Variants in MAP6 observed in about 807,000 individuals in gnomAD.
The protein encoded by MAP6 is microtubule associated protein 6.
MAP6 carries 26 observed loss-of-function variants against 42.4 expected under a neutral mutation model. The ratio of observed to expected loss-of-function variants is 0.61; its 90% CI spans 0.45 to 0.85. The LOEUF (loss-of-function observed/expected upper bound fraction) is 0.85, where lower values mean the gene tolerates loss of function less well. MAP6 is among the 40% of genes least tolerant of loss of function. The probability of loss-of-function intolerance (pLI) is 0.00; values close to 1 mark genes in which losing one functional copy is unlikely to be tolerated. For synonymous variants in MAP6, 418 were observed against 443.8 expected (o/e 0.94, Z 0.73); for missense variants, 966 against 1,099.0 (o/e 0.88, Z 1.71).
At chr11:75,624,638 C>CT (rs1226113531) in intron 1 of MAP6, among the ~76,000 whole-genome samples, 1 of 152,176 alleles carries the variant, frequency 6.6e-6, no homozygotes, top group Admixed American at 6.6e-5. Flanking sequence ...TTCTGCTTCT[C>CT]TTTTCTACCC....
At position 75,668,201 on chromosome 11, in the gene MAP6, G is replaced by A. The variant is rs1353709137; in HGVS notation, c.169C>T (p.Leu57Phe). 8.7e-6 allele frequency: 11 copies of A among 1,262,320 alleles called. No homozygotes were observed. Among genetic ancestry groups the A allele is most frequent in the African/African-American group, 1.6e-5 (1 of 63,962 alleles). 78.2% of individuals were successfully genotyped at this position (1,262,320 alleles called of 1,614,324 possible). The change falls in exon 1 of 4, where the codon CTC becomes TTC. Residue 57 changes from leucine to phenylalanine, a missense_variant. Around this residue, in one of 2 missense-constraint regions of MAP6, gnomAD observed 943 missense variants for 1,049.9 expected, o/e 0.90. Coordinates refer to ENST00000304771, the MANE Select transcript of MAP6 (RefSeq NM_033063.2). ...PPPQQQAQPA[L>F]APPSARAVAI... ...ACCGCGCGCGCCGAGGGGGGCGCGAGCGCCGGCTGCGCCTGCTGCTGCGGC... is the reference window on the plus strand; with the variant it reads ...ACCGCGCGCGCCGAGGGGGGCGCGAACGCCGGCTGCGCCTGCTGCTGCGGC...
At chr11:75,603,840 T>G in intron 3 of MAP6, 1 of 985,434 alleles carries the variant, frequency 1.0e-6, no homozygotes, top group Non-Finnish European at 1.2e-6. Context: ...TCTGCAAAAA[T>G]AAATGATTAT....
At chr11:75,643,814 C>T (rs1565274966) in intron 1 of MAP6, among the ~76,000 whole-genome samples, 1 of 152,150 alleles carries the variant, frequency 6.6e-6, no homozygotes, top group Non-Finnish European at 1.5e-5. Flanking sequence ...GAAGGTGAGG[C>T]TCAGAGAAGG....
intron 1 of MAP6, among the ~76,000 whole-genome samples, chr11:75,644,235 G>C (rs1943521148): frequency 6.6e-6 from 1 of 152,108 alleles, no homozygotes; most frequent in Non-Finnish European, 1.5e-5. Context: ...GGGAGGGGAA[G>C]ACATAGGCTT....
intron 1 of MAP6, chr11:75,642,995 A>G (rs1034651859): frequency 5.4e-6 from 2 of 369,238 alleles, no homozygotes; most frequent in Non-Finnish European, 1.2e-5. Flanking sequence ...CTTCCTTGCT[A>G]AATCAAATAG....
rs1943633200 is a variant in MAP6 at position 75,650,743 on chromosome 11, T to C, written c.905+16722A>G. Reference sequence around the variant, plus strand: ...GAAATTGAGGCTCAGAGACTTGAAATAACTTTACCAAGGTCACAGAAATAG... The same window carrying C: ...GAAATTGAGGCTCAGAGACTTGAAACAACTTTACCAAGGTCACAGAAATAG... On this transcript the variant is annotated intron_variant, in intron 1 of 3. Coordinates refer to ENST00000304771, the MANE Select transcript of MAP6 (RefSeq NM_033063.2). 2.0e-5 allele frequency among the ~76,000 whole-genome samples: 3 copies of C among 152,304 alleles called. No individual in the cohort carries two copies. The South Asian group carries it at 6.2e-4, about 32-fold the overall frequency.
chr11:75,599,818 C>T (rs1400620312), intron 3 of MAP6, among the ~76,000 whole-genome samples: 1 of 152,192 alleles, frequency 6.6e-6, no homozygotes, highest in Non-Finnish European at 1.5e-5. Context: ...AGTGCTTTCT[C>T]CATCTTCTAA....
chr11:75,588,428 G>A (rs902227932), intron 3 of MAP6, among the ~76,000 whole-genome samples: 8 of 152,114 alleles, frequency 5.3e-5, no homozygotes, highest in Admixed American at 3.3e-4. Context: ...TAACCTGCAC[G>A]TGGCACAGGG....
At chr11:75,646,258 A>G (rs1358050525) in intron 1 of MAP6, among the ~76,000 whole-genome samples, 1 of 152,114 alleles carries the variant, frequency 6.6e-6, no homozygotes, top group East Asian at 1.9e-4. Context: ...AGAAAACATT[A>G]TTGTCTTTCT....
Position 75,668,494 on chromosome 11 carries a change from G to C in MAP6, c.-125C>G. The C allele has an allele frequency of 5.2e-6, 7 of 1,351,928 alleles. No homozygotes were observed. The highest frequency in any genetic ancestry group is 6.7e-6 in the Non-Finnish European group (7 of 1,043,486). The allele number at this position is 1,351,928 out of a possible 1,614,324, so 83.7% of individuals were successfully genotyped here. A position where few individuals can be genotyped will look rare whatever the true frequency, so the allele number is the denominator to read the frequency against. Reference sequence around the variant, plus strand: ...TCCCACCGTTTTCTACCCCCGATCAGCCGGAGCTAGTTCGCCCTCCTCCCT... The same window carrying C: ...TCCCACCGTTTTCTACCCCCGATCACCCGGAGCTAGTTCGCCCTCCTCCCT... On this transcript the variant is annotated 5_prime_UTR_variant, in exon 1 of 4. Coordinates refer to ENST00000304771, the MANE Select transcript of MAP6 (RefSeq NM_033063.2).
Position 75,587,550 on chromosome 11 carries a change from T to G in MAP6, c.1951A>C (p.Ser651Arg), listed in dbSNP as rs1487164481. The G allele has an allele frequency of 6.2e-7, 1 of 1,614,134 alleles. No individual in the cohort carries two copies. ...PMVPEHPKDESAMATAPIKNQ... is the reference protein window; with the variant it reads ...PMVPEHPKDERAMATAPIKNQ... ...TTTATGGGTGCTGTGGCCATGGCAC[T>G]TTCATCCTTCGGATGCTCTGGGACC... The change falls in exon 4 of 4, where the codon AGT becomes CGT. Residue 651 changes from serine to arginine, a missense_variant. Physicochemically the swap from Ser to Arg is moderately radical, Grantham distance 110 (BLOSUM62 -1). Around this residue, in one of 2 missense-constraint regions of MAP6, gnomAD observed 943 missense variants for 1,049.9 expected, o/e 0.90. Coordinates refer to ENST00000304771, the MANE Select transcript of MAP6 (RefSeq NM_033063.2).
intron 1 of MAP6, among the ~76,000 whole-genome samples, chr11:75,641,808 C>T (rs755853160): frequency 3.3e-5 from 5 of 152,196 alleles, no homozygotes; most frequent in Admixed American, 1.3e-4. Context: ...TGAGATGCCA[C>T]GCTCTACTTC....
intron 3 of MAP6, chr11:75,605,031 C>T (rs948332712): frequency 1.2e-5 from 12 of 985,364 alleles, no homozygotes; most frequent in African/African-American, 5.2e-5. Context: ...GACAGGTGGT[C>T]GGCCGAGGAG....
At chr11:75,623,027 A>C (rs1427462472) in intron 1 of MAP6, among the ~76,000 whole-genome samples, 1 of 152,220 alleles carries the variant, frequency 6.6e-6, no homozygotes, top group Non-Finnish European at 1.5e-5. Flanking sequence ...AAAGTTATTA[A>C]ACATTTATCA....
intron 1 of MAP6, among the ~76,000 whole-genome samples, chr11:75,661,457 CA>C (rs2135697426): frequency 6.6e-6 from 1 of 151,874 alleles, no homozygotes; most frequent in East Asian, 1.9e-4. Flanking sequence ...TAAAAAATAG[CA>C]AACCAAATTC....
chr11:75,607,628 A>C (rs1468934717), intron 2 of MAP6: 1 of 985,152 alleles, frequency 1.0e-6, no homozygotes, highest in African/African-American at 1.7e-5. Context: ...CGAGAAGATG[A>C]GAGAGGGCAG....
In MAP6 at chr11:75,587,429, G is replaced by C; in HGVS notation, c.2072C>G (p.Ala691Gly). Residue 691 changes from alanine to glycine, a missense_variant, in exon 4 of 4, where the codon GCA (alanine) becomes GGA (glycine). Physicochemically the swap from Ala to Gly is moderately conservative, Grantham distance 60. Coordinates refer to ENST00000304771, the MANE Select transcript of MAP6 (RefSeq NM_033063.2). ...CACAACTGCAGAATCGTGAACCTTT[G>C]CATGCTCTGGGACTACAACATCTTG... Reference protein sequence around the residue: ...KDQDVVVPEHAKVHDSAVVAP... With the variant: ...KDQDVVVPEHGKVHDSAVVAP... 1 of 1,614,102 alleles carries C rather than the reference G, an allele frequency of 6.2e-7. No individual in the cohort carries two copies. The highest frequency in any genetic ancestry group is 8.5e-7 in the Non-Finnish European group (1 of 1,180,010).
intron 1 of MAP6, among the ~76,000 whole-genome samples, chr11:75,609,823 C>T (rs1405738548): frequency 6.6e-6 from 1 of 152,068 alleles, no homozygotes; most frequent in African/African-American, 2.4e-5. Context: ...CCTAGATGCC[C>T]CATTGTTATG....
rs144414650 is a variant in MAP6, at chr11:75,603,764, C to T, written c.1316+2044G>A. The T allele has an allele frequency of 9.1e-6, 9 of 984,964 alleles. 1 individual carries two copies. In the Admixed American group the frequency reaches 1.8e-4, roughly 20 times the overall value. The allele number at this position is 984,964 out of a possible 1,614,324, so 61.0% of individuals were successfully genotyped here. Reference sequence around the variant, plus strand: ...CACGCCTAGCACAGTGCCTGGCACACGGGCTTCTAGCAAGGGAATGCTAAA... The same window carrying T: ...CACGCCTAGCACAGTGCCTGGCACATGGGCTTCTAGCAAGGGAATGCTAAA... On this transcript the variant is annotated intron_variant, in intron 3 of 3. Coordinates refer to ENST00000304771, the MANE Select transcript of MAP6 (RefSeq NM_033063.2).
Sources: gnomAD v4.1 joint callset for allele counts (sites outside exome capture counted in the v4.1 genomes callset) on GRCh38, gnomAD v4.1.1 for gene constraint, gnomAD v4.1.1 regional missense constraint, MANE v1.5 for transcripts, NCBI Gene and HGNC (gene_info 2026-07-23, HGNC 2026-07-21) for gene names.